The following SERPINI1 variants were observed in gnomAD, a reference collection of about 807,000 sequenced individuals.
SERPINI1 encodes the protein neuroserpin.
A neutral mutation model predicts 41.1 loss-of-function variants in SERPINI1; 19 were observed. The ratio of observed to expected loss-of-function variants is 0.46; its 90% CI spans 0.32 to 0.68. The LOEUF is 0.68. Ranked by LOEUF, SERPINI1 falls within the 30% of genes least tolerant of loss-of-function variation. The pLI is 0.03. For missense variants in SERPINI1, 460 were observed against 479.2 expected (o/e 0.96, Z 0.37); for synonymous variants, 138 against 156.6 (o/e 0.88, Z 0.89).
intron 5 of SERPINI1, among the ~76,000 whole-genome samples, chr3:167,804,440 TATTA>T (rs1294782430): frequency 6.6e-6 from 1 of 152,190 alleles, no homozygotes; most frequent in African/African-American, 2.4e-5. Flanking sequence ...TTATAATCTG[TATTA>T]ATTAGGAGGC....
At chr3:167,747,207 A>G (rs996311640) in intron 1 of SERPINI1, among the ~76,000 whole-genome samples, 4 of 152,232 alleles carry the variant, frequency 2.6e-5, no homozygotes, top group African/African-American at 9.6e-5. Context: ...AGGCAAATCC[A>G]TAAAGACACA....
chr3:167,794,688 G>A lies in SERPINI1; in HGVS notation c.745G>A (p.Asp249Asn). 3.7e-6 allele frequency: 6 copies of A among 1,613,690 alleles called. No homozygotes were observed. Among genetic ancestry groups the A allele is most frequent in the Non-Finnish European group, 3.4e-6 (4 of 1,179,814 alleles). Reference sequence around the variant, plus strand: ...AGTCCTAGAAATACCATATGAAGGAGATGAAATAAGCATGATGCTGGTGCT... The same window carrying A: ...AGTCCTAGAAATACCATATGAAGGAAATGAAATAAGCATGATGCTGGTGCT... ...YQVLEIPYEG[D>N]EISMMLVLSR... The change falls in exon 5 of 9, where the codon GAT (aspartate) becomes AAT (asparagine). Residue 249 changes from aspartate to asparagine, a missense_variant. Asp to Asn is a conservative substitution (Grantham distance 23). Transcript: ENST00000446050.
intron 1 of SERPINI1, among the ~76,000 whole-genome samples, chr3:167,743,255 G>A (rs748654358): frequency 6.6e-6 from 1 of 151,940 alleles, no homozygotes; most frequent in Non-Finnish European, 1.5e-5. Flanking sequence ...CCTAGAAAAT[G>A]GTGTTATTAT....
intron 5 of SERPINI1, among the ~76,000 whole-genome samples, chr3:167,803,294 A>AATAT (rs1428354812): frequency 6.6e-6 from 1 of 151,124 alleles, no homozygotes; most frequent in Non-Finnish European, 1.5e-5. Context: ...AAAATAAATA[A>AATAT]ATAAATAAAT....
chr3:167,817,216 A>G (rs1420397262), intron 6 of SERPINI1, among the ~76,000 whole-genome samples: 1 of 152,198 alleles, frequency 6.6e-6, no homozygotes, highest in Non-Finnish European at 1.5e-5. Flanking sequence ...TCATTCAAAA[A>G]GATGATTTGT....
At chr3:167,753,998 G>A (rs1332048713) in intron 1 of SERPINI1, among the ~76,000 whole-genome samples, 1 of 152,148 alleles carries the variant, frequency 6.6e-6, no homozygotes, top group East Asian at 1.9e-4. Flanking sequence ...GGGGAGAGGA[G>A]TAGATTTCTT....
chr3:167,778,305 A>G (rs996848621), intron 1 of SERPINI1, among the ~76,000 whole-genome samples: 3 of 152,214 alleles, frequency 2.0e-5, no homozygotes, highest in African/African-American at 7.2e-5. Context: ...CTGTTGCAGC[A>G]GAGAAAGGAT....
chr3:167,780,096 G>GCATTTTTTTAT (rs2108551067), intron 1 of SERPINI1, among the ~76,000 whole-genome samples: 1 of 152,156 alleles, frequency 6.6e-6, no homozygotes, highest in Non-Finnish European at 1.5e-5. Flanking sequence ...TTAAAAAATG[G>GCATTTTTTTAT]AGTATATTTA....
intron 1 of SERPINI1, among the ~76,000 whole-genome samples, chr3:167,783,350 T>A (rs1191293390): frequency 6.6e-6 from 1 of 151,892 alleles, no homozygotes; most frequent in Non-Finnish European, 1.5e-5. Flanking sequence ...GAAAAAAGAG[T>A]AGGTTTGATT....
At chr3:167,795,415 C>T (rs1242777478) in intron 5 of SERPINI1, among the ~76,000 whole-genome samples, 2 of 152,170 alleles carry the variant, frequency 1.3e-5, no homozygotes, top group African/African-American at 4.8e-5. Context: ...TCTGGCCACT[C>T]ACCACATCAA....
intron 1 of SERPINI1, among the ~76,000 whole-genome samples, chr3:167,764,402 A>G (rs1383728549): frequency 6.6e-6 from 1 of 150,854 alleles, no homozygotes; most frequent in Non-Finnish European, 1.5e-5. Flanking sequence ...CAGCAGGCAG[A>G]GAGAGAGAGC....
chr3:167,799,426 T>G (rs1727828750), intron 5 of SERPINI1, among the ~76,000 whole-genome samples: 1 of 152,244 alleles, frequency 6.6e-6, no homozygotes, highest in South Asian at 2.1e-4. Flanking sequence ...CCACATTTTC[T>G]TTATCCAGTC....
intron 6 of SERPINI1, among the ~76,000 whole-genome samples, chr3:167,819,974 G>A (rs538213249): frequency 6.6e-6 from 1 of 152,266 alleles, no homozygotes; most frequent in African/African-American, 2.4e-5. Context: ...CTTTCTTAGG[G>A]AAAAGTTGAA....
chr3:167,756,870 T>G (rs540934783), intron 1 of SERPINI1, among the ~76,000 whole-genome samples: 3 of 152,314 alleles, frequency 2.0e-5, no homozygotes, highest in South Asian at 4.1e-4. Flanking sequence ...TTATAAATAA[T>G]GTATTCTGCG....
At chr3:167,800,793 CTGTTTTGTTT>C (rs10647517) in intron 5 of SERPINI1, among the ~76,000 whole-genome samples, 3 of 151,576 alleles carry the variant, frequency 2.0e-5, no homozygotes, top group Non-Finnish European at 4.4e-5. Context: ...TTTGTTGTTG[CTGTTTTGTTT>C]TGTTTTGTTT....
chr3:167,764,453 A>G (rs115245786), intron 1 of SERPINI1, among the ~76,000 whole-genome samples: 2,079 of 152,072 alleles, frequency 0.014, 49 homozygotes, highest in African/African-American at 0.048. Flanking sequence ...ATCAGATCTC[A>G]TGACACATGT....
At chr3:167,786,932 T>C (rs1310257743) in intron 1 of SERPINI1, among the ~76,000 whole-genome samples, 1 of 152,360 alleles carries the variant, frequency 6.6e-6, no homozygotes, top group African/African-American at 2.4e-5. Context: ...AGTAAGTGTG[T>C]AAGTGTGTAA....
chr3:167,759,018 A>G (rs1046735554), intron 1 of SERPINI1, among the ~76,000 whole-genome samples: 3 of 152,152 alleles, frequency 2.0e-5, no homozygotes, highest in African/African-American at 2.4e-5. Context: ...TCCACATTAG[A>G]CACAGGAAAT....
intron 1 of SERPINI1, among the ~76,000 whole-genome samples, chr3:167,787,887 A>C (rs2108555506): frequency 6.6e-6 from 1 of 152,358 alleles, no homozygotes; most frequent in East Asian, 1.9e-4. Context: ...AGGACTGATT[A>C]GGATCTTCTA....
Sources: gnomAD v4.1 joint callset for allele counts (sites outside exome capture counted in the v4.1 genomes callset) on GRCh38, gnomAD v4.1.1 for gene constraint, MANE v1.5 for transcripts, NCBI Gene and HGNC (gene_info 2026-07-23, HGNC 2026-07-21) for gene names.